PDIA4: variants seen among roughly 807,000 people sequenced by gnomAD.
PDIA4 encodes protein disulfide isomerase family A member 4.
PDIA4 carries 33 observed loss-of-function variants against 62.1 expected under a neutral mutation model. That is an observed-to-expected ratio of 0.53 (90% CI 0.40 to 0.71). PDIA4 has a LOEUF of 0.71. PDIA4 is among the 30% of genes least tolerant of loss of function. The pLI, the probability that PDIA4 is intolerant of heterozygous loss-of-function variation, is 0.00. For synonymous variants in PDIA4, 341 were observed against 324.1 expected, an observed-to-expected ratio of 1.05 and a Z score of -0.56; for missense variants, 804 against 813.6, an observed-to-expected ratio of 0.99 and a Z score of 0.14.
chr7:149,023,637 C>T (rs1281040817), intron 1 of PDIA4, among the ~76,000 whole-genome samples: 1 of 151,778 alleles, frequency 6.6e-6, no homozygotes, highest in African/African-American at 2.4e-5. Context: ...GGAGGAAGGT[C>T]GGAAATAATG....
rs762227225 is a variant in PDIA4 at position 149,005,235 on chromosome 7, G to T, written c.1428C>A (p.Ala476=). ...GLSESGEDVN[A]AILDESGKKF... ...TCTTCCCACTCTCGTCCAGGATGGC[G>T]GCATTGACATCCTCCCCACTCTCGC... is the stretch of plus-strand genomic sequence containing the variant. The change falls in exon 9 of 10, where the codon GCC becomes GCA. Residue 476 remains alanine, a synonymous_variant. Transcript: ENST00000652332. 6 of 1,614,068 alleles carry T rather than the reference G, an allele frequency of 3.7e-6. No homozygotes were observed. The Admixed American group carries it at 1.0e-4, about 27-fold the overall frequency.
chr7:149,012,974 G>A (rs1311132256), intron 4 of PDIA4, among the ~76,000 whole-genome samples: 5 of 152,150 alleles, frequency 3.3e-5, no homozygotes, highest in African/African-American at 1.2e-4. Context: ...CTGGCCGGGC[G>A]CAGTGGCTCA....
intron 3 of PDIA4, among the ~76,000 whole-genome samples, 176 bp from the exon 4 acceptor site, chr7:149,015,218 A>T (rs867209774): frequency 6.6e-6 from 1 of 152,146 alleles, no homozygotes; most frequent in Admixed American, 6.5e-5. Context: ...CACAGCCAAG[A>T]GTCAGAAGGT....
At chr7:149,018,090 G>A (rs541694091) in intron 3 of PDIA4, among the ~76,000 whole-genome samples, 72 of 151,984 alleles carry the variant, frequency 4.7e-4, no homozygotes, top group African/African-American at 1.6e-3. Flanking sequence ...TTAGCCGGAC[G>A]TGGTGGCAGG....
chr7:149,027,413 G>T (rs6965276), intron 1 of PDIA4, among the ~76,000 whole-genome samples: 1 of 151,728 alleles, frequency 6.6e-6, no homozygotes, highest in Non-Finnish European at 1.5e-5. Flanking sequence ...TAAAGTTCAC[G>T]ATTTCCCTAC....
chr7:149,025,042 C>T (rs1275291323), intron 1 of PDIA4, among the ~76,000 whole-genome samples: 2 of 125,024 alleles, frequency 1.6e-5, no homozygotes, highest in South Asian at 5.2e-4. Context: ...TGCACTCCAG[C>T]CTGGACAACA....
intron 2 of PDIA4, 111 bp downstream of exon 2, chr7:149,020,856 T>C: frequency 3.4e-6 from 5 of 1,464,506 alleles, no homozygotes; most frequent in Non-Finnish European, 4.5e-6. Context: ...TGCAAGTTCC[T>C]GCACCCAGAC....
intron 1 of PDIA4, chr7:149,027,930 C>T: frequency 2.0e-6 from 1 of 493,866 alleles, no homozygotes; most frequent in Non-Finnish European, 4.1e-6. Context: ...TCCAGTGGCT[C>T]TCCCTCTCCC....
At chr7:149,018,572 C>T (rs1824226089) in intron 3 of PDIA4, among the ~76,000 whole-genome samples, 1 of 152,162 alleles carries the variant, frequency 6.6e-6, no homozygotes, top group Admixed American at 6.5e-5. Context: ...GCTGGGATTA[C>T]ACTCATGAGC....
chr7:149,011,889 A>G lies in PDIA4; in HGVS notation c.936T>C (p.Phe312=), dbSNP rs142943511. The G allele has an allele frequency of 2.4e-4, 377 of 1,601,600 alleles. No homozygotes were observed. The highest frequency in any genetic ancestry group is 2.5e-4 in the Non-Finnish European group (294 of 1,173,572). The change falls in exon 6 of 10, where the codon TTT becomes TTC. Residue 312 remains phenylalanine, a synonymous_variant. Transcript: ENST00000652332. ...DGDDVIIIGV[F]KGESDPAYQQ... Reference sequence around the variant, plus strand: ...GGTAGGCTGGGTCACTCTCCCCCTTAAAGACCCCGATGATGATGACATCGT... The same window carrying G: ...GGTAGGCTGGGTCACTCTCCCCCTTGAAGACCCCGATGATGATGACATCGT...
At chr7:149,018,124 G>A (rs1186878053) in intron 3 of PDIA4, among the ~76,000 whole-genome samples, 1 of 152,034 alleles carries the variant, frequency 6.6e-6, no homozygotes, top group African/African-American at 2.4e-5. Context: ...AGCTACTCAG[G>A]AGCCTGAGGC....
chr7:149,022,601 C>T (rs1306876381), intron 1 of PDIA4, among the ~76,000 whole-genome samples: 5 of 152,080 alleles, frequency 3.3e-5, no homozygotes, highest in Non-Finnish European at 1.5e-5. Flanking sequence ...ATGAACGCTG[C>T]TAGTTACTGT....
Position 149,005,901 on chromosome 7 carries a change from T to C in PDIA4, c.1284A>G (p.Arg428=). Reference sequence around the variant, plus strand: ...GTCTTGGTGGGGGTCCCTCACCAGCTCTGTAATCAAAGCTGAAGTCCACAC... The same window carrying C: ...GTCTTGGTGGGGGTCCCTCACCAGCCCTGTAATCAAAGCTGAAGTCCACAC... The part of the protein sequence containing the change: ...YYSVDFSFDY[R]AATQFWRSKV... Residue 428 remains arginine, a synonymous_variant, in exon 8 of 10, where the codon AGA becomes AGG. Transcript: ENST00000652332. 6.6e-7 allele frequency: 1 copy of C among 1,508,120 alleles called. No homozygotes were observed. The highest frequency in any genetic ancestry group is 8.8e-7 in the Non-Finnish European group (1 of 1,136,934). The allele number at this position is 1,508,120 out of a possible 1,614,324, so 93.4% of individuals were successfully genotyped here.
intron 5 of PDIA4, 57 bp from the exon 6 acceptor site, chr7:149,012,061 C>T: frequency 6.2e-7 from 1 of 1,603,578 alleles, no homozygotes. Flanking sequence ...CTTCCCATGG[C>T]CCATGCCTGC....
In PDIA4 at chr7:149,004,211, T is replaced by C. The variant is rs1228561804; in HGVS notation, c.1523-2A>G. On this transcript the variant is annotated splice_acceptor_variant, in intron 9 of 9. Transcript: ENST00000652332. LOFTEE classifies it high-confidence loss of function. ...ATTTGATGACTGGCTTCAGTTTTCC[T>C]GCCAAGGAAAGCAAGGCGGGAGGGG... The C allele has an allele frequency of 6.2e-7, 1 of 1,610,012 alleles. No homozygotes were observed. The highest frequency in any genetic ancestry group is 8.5e-7 in the Non-Finnish European group (1 of 1,177,240).
chr7:149,003,055 G>A (rs201684031), downstream of PDIA4: 136 of 169,178 alleles, frequency 8.0e-4, 1 homozygote, highest in South Asian at 0.023. Context: ...GTTTTCTAAC[G>A]CAGTTCTTAA....
At chr7:149,014,784 G>GC in intron 4 of PDIA4, 120 bp downstream of exon 4, 1 of 867,104 alleles carries the variant, frequency 1.2e-6, no homozygotes, top group Non-Finnish European at 1.8e-6. Context: ...CTCAATCCTG[G>GC]CCTACAACTC....
rs76064834 is a variant in PDIA4 at position 149,006,574 on chromosome 7, G to A, written c.1132-521C>T. Among the ~76,000 whole-genome samples, 6 of 152,362 alleles carry A rather than the reference G, an allele frequency of 3.9e-5. No homozygotes were observed. The East Asian group carries it at 7.7e-4, about 20-fold the overall frequency. ...TGGGCCTGTGAGCCCAAGGGTTTCC[G>A]TGGGGATGGGATACTCAGGGAGGGG... On this transcript the variant is annotated intron_variant, in intron 7 of 9. Transcript: ENST00000652332.
intron 1 of PDIA4, among the ~76,000 whole-genome samples, chr7:149,021,690 A>T (rs181103668): frequency 5.1e-4 from 77 of 152,088 alleles, no homozygotes; most frequent in Non-Finnish European, 2.9e-5. Flanking sequence ...ACAGCTCTAG[A>T]ATATAAAGTC....
Sources: allele counts gnomAD v4.1 joint callset (sites outside exome capture counted in the v4.1 genomes callset), GRCh38; gene constraint gnomAD v4.1.1; transcripts MANE v1.5; gene names NCBI Gene and HGNC (gene_info 2026-07-23, HGNC 2026-07-21).